SPPL2A: variants seen among roughly 807,000 people sequenced by gnomAD.
SPPL2A encodes the protein signal peptide peptidase like 2A.
SPPL2A carries 51 observed loss-of-function variants against 63.8 expected under a neutral mutation model. That is an observed-to-expected ratio of 0.80 (90% CI 0.64 to 1.01). The LOEUF (loss-of-function observed/expected upper bound fraction) is 1.01, where lower values mean the gene tolerates loss of function less well. SPPL2A is among the 50% of genes least tolerant of loss of function. The pLI is 0.00. For synonymous variants in SPPL2A, 188 were observed against 205.8 expected (o/e 0.91, Z 0.74); for missense variants, 553 against 622.7 (o/e 0.89, Z 1.19).
chr15:50,756,142 C>T (rs1251882611), intron 1 of SPPL2A, among the ~76,000 whole-genome samples: 1 of 151,448 alleles, frequency 6.6e-6, no homozygotes, highest in African/African-American at 2.4e-5. Flanking sequence ...GGGCAGATCA[C>T]GAGGTCAGGA....
chr15:50,736,490 T>C (rs2062772267), intron 7 of SPPL2A, among the ~76,000 whole-genome samples, 154 bp downstream of exon 7: 1 of 152,202 alleles, frequency 6.6e-6, no homozygotes, highest in South Asian at 2.1e-4. Flanking sequence ...AAAACTCAAT[T>C]TTTAATTTTA....
At chr15:50,723,335 T>G (rs770079879) in intron 12 of SPPL2A, among the ~76,000 whole-genome samples, 1 of 152,212 alleles carries the variant, frequency 6.6e-6, no homozygotes, top group East Asian at 1.9e-4. Context: ...GAAATCAGTA[T>G]GTCAAAGAGA....
chr15:50,739,384 G>A (rs993532182), intron 6 of SPPL2A, among the ~76,000 whole-genome samples: 3 of 151,764 alleles, frequency 2.0e-5, no homozygotes, highest in Non-Finnish European at 4.4e-5. Flanking sequence ...TCTCCATGTT[G>A]GTCAGGCTGG....
rs1395299756 is a variant in SPPL2A, at chr15:50,703,190, A to G, written c.*4610T>C. On this transcript the variant is annotated 3_prime_UTR_variant, in exon 15 of 15. Coordinates refer to ENST00000261854, the MANE Select transcript of SPPL2A (RefSeq NM_032802.4). Reference sequence around the variant, plus strand: ...AAGGGACCCTCCCATCTCAGCCAGTACATTCCATTGTACTGGTCTACACTG... The same window carrying G: ...AAGGGACCCTCCCATCTCAGCCAGTGCATTCCATTGTACTGGTCTACACTG... The G allele has an allele frequency of 6.6e-6, 1 of 151,076 alleles. No individual in the cohort carries two copies. The highest frequency in any genetic ancestry group is 1.5e-5 in the Non-Finnish European group (1 of 67,844). The allele number at this position is 151,076 out of a possible 1,614,324, so 9.4% of individuals were successfully genotyped here.
chr15:50,765,061 A>AT (rs200332819), intron 1 of SPPL2A, among the ~76,000 whole-genome samples: 4 of 151,738 alleles, frequency 2.6e-5, no homozygotes, highest in Non-Finnish European at 4.4e-5. Flanking sequence ...GCCTTGTATA[A>AT]TTTTTTTTTC....
intron 1 of SPPL2A, among the ~76,000 whole-genome samples, chr15:50,761,629 T>C (rs1009831152): frequency 1.3e-5 from 2 of 150,892 alleles, no homozygotes; most frequent in African/African-American, 4.9e-5. Context: ...AAAATAATAA[T>C]AATAAATAAA....
At chr15:50,723,266 A>T (rs1259409129) in intron 12 of SPPL2A, among the ~76,000 whole-genome samples, 1 of 152,218 alleles carries the variant, frequency 6.6e-6, no homozygotes, top group Non-Finnish European at 1.5e-5. Flanking sequence ...CAGAAAATTA[A>T]AATTAGAACT....
chr15:50,761,825 G>A (rs1016389479), intron 1 of SPPL2A, among the ~76,000 whole-genome samples: 1 of 151,760 alleles, frequency 6.6e-6, no homozygotes, highest in African/African-American at 2.4e-5. Flanking sequence ...AATCCTACTC[G>A]GGAGACTGAG....
At chr15:50,737,488 T>G (rs1330151655) in intron 6 of SPPL2A, among the ~76,000 whole-genome samples, 1 of 152,128 alleles carries the variant, frequency 6.6e-6, no homozygotes, top group Non-Finnish European at 1.5e-5. Flanking sequence ...AGTCTCACTG[T>G]GTCACCCAGG....
chr15:50,728,180 T>C (rs1454654867), intron 10 of SPPL2A, among the ~76,000 whole-genome samples: 1 of 152,216 alleles, frequency 6.6e-6, no homozygotes, highest in African/African-American at 2.4e-5. Flanking sequence ...TACTGTGTAA[T>C]ATATGTGTCA....
intron 10 of SPPL2A, among the ~76,000 whole-genome samples, chr15:50,728,745 C>T (rs1023028177): frequency 1.3e-5 from 2 of 151,862 alleles, no homozygotes; most frequent in African/African-American, 4.8e-5. Flanking sequence ...TGGCTTCAAG[C>T]GATCTTCCCA....
intron 3 of SPPL2A, 60 bp from the exon 4 acceptor site, chr15:50,748,262 C>T (rs1463194895): frequency 4.8e-6 from 3 of 627,258 alleles, no homozygotes; most frequent in Non-Finnish European, 7.6e-6. Context: ...GAATAAAATA[C>T]TATTCCATTA....
At chr15:50,730,890 T>A (rs2062724728) in intron 10 of SPPL2A, 75 bp downstream of exon 10, 2 of 680,226 alleles carry the variant, frequency 2.9e-6, no homozygotes, top group African/African-American at 3.6e-5. Flanking sequence ...TCTGCAAAAT[T>A]AATAATCTAG....
At chr15:50,747,701 C>T (rs1415012323) in intron 4 of SPPL2A, 73 bp from the exon 5 acceptor site, 8 of 1,047,830 alleles carry the variant, frequency 7.6e-6, no homozygotes, top group Non-Finnish European at 1.0e-5. Flanking sequence ...CAATAGTCCA[C>T]ATTTCACTCT....
At chr15:50,742,289 C>T (rs1156810803) in intron 5 of SPPL2A, among the ~76,000 whole-genome samples, 1 of 151,948 alleles carries the variant, frequency 6.6e-6, no homozygotes. Context: ...GCATGGGAGG[C>T]TGAGGCAGGA....
chr15:50,732,380 TG>T (rs1218406636), intron 9 of SPPL2A, among the ~76,000 whole-genome samples: 1 of 151,722 alleles, frequency 6.6e-6, no homozygotes, highest in African/African-American at 2.4e-5. Flanking sequence ...TGTCTGGGCC[TG>T]GGGGTTAAGG....
At chr15:50,716,843 C>T (rs1284229170) in intron 14 of SPPL2A, among the ~76,000 whole-genome samples, 4 of 152,126 alleles carry the variant, frequency 2.6e-5, no homozygotes, top group Admixed American at 1.3e-4. Flanking sequence ...AATGGTACTC[C>T]CAATTATCTA....
rs2062739691 is a variant in SPPL2A, at chr15:50,732,602, C to T, written c.1014+1G>A. ...TAGCAAAGTAGTATTGTATACATTA[C>T]CTTGAAGTTGGGCAACTTCAGTGTT... On this transcript the variant is annotated splice_donor_variant, in intron 9 of 14. Coordinates refer to ENST00000261854, the MANE Select transcript of SPPL2A (RefSeq NM_032802.4). LOFTEE classifies it high-confidence loss of function. The T allele has an allele frequency of 6.4e-7, 1 of 1,566,108 alleles. No homozygotes were observed. The highest frequency in any genetic ancestry group is 8.8e-7 in the Non-Finnish European group (1 of 1,138,330).
In SPPL2A at chr15:50,712,019, C is replaced by T. The variant is rs530077929; in HGVS notation, c.1489-4145G>A. On this transcript the variant is annotated intron_variant, in intron 14 of 14. Coordinates refer to ENST00000261854, the MANE Select transcript of SPPL2A (RefSeq NM_032802.4). ...GGGCTGCTGAAATACAATCAGGAAGCTTATACACACATGCAAAAGTAACTA... is the reference window on the plus strand; with the variant it reads ...GGGCTGCTGAAATACAATCAGGAAGTTTATACACACATGCAAAAGTAACTA... Among the ~76,000 whole-genome samples, 5 of 152,258 alleles carry T rather than the reference C, an allele frequency of 3.3e-5. No individual in the cohort carries two copies. In the East Asian group the frequency reaches 9.6e-4, roughly 29 times the overall value.
Sources: allele counts gnomAD v4.1 joint callset (sites outside exome capture counted in the v4.1 genomes callset), GRCh38; gene constraint gnomAD v4.1.1; transcripts MANE v1.5; gene names NCBI Gene and HGNC (gene_info 2026-07-23, HGNC 2026-07-21).